The following C5 variants were observed in gnomAD, a reference collection of about 807,000 sequenced individuals.
The protein encoded by C5 is C3 and PZP-like alpha-2-macroglobulin domain-containing protein 4.
C5 carries 140 observed loss-of-function variants against 218.8 expected under a neutral mutation model. The observed-to-expected ratio is 0.64, with a 90% CI of 0.56 to 0.74. The LOEUF is 0.74. C5 is among the 30% of genes least tolerant of loss of function. The pLI is 0.00. For missense variants in C5, 1,700 were observed against 1,969.6 expected, an observed-to-expected ratio of 0.86 and a Z score of 2.59; for synonymous variants, 614 against 682.3, an observed-to-expected ratio of 0.90 and a Z score of 1.56.
chr9:121,021,835 A>G, intron 10 of C5, 141 bp from the exon 11 acceptor site: 1 of 776,116 alleles, frequency 1.3e-6, no homozygotes, highest in Non-Finnish European at 2.2e-6. Flanking sequence ...TCTGAGACAG[A>G]GACTTACTAC....
chr9:121,025,469 C>T lies in C5; in HGVS notation c.985G>A (p.Val329Ile). Reference sequence around the variant, plus strand: ...ACACACTTACCTGTAGACTCTATGACTGTTACAGCAATATAAAGGTACTTG... The same window carrying T: ...ACACACTTACCTGTAGACTCTATGATTGTTACAGCAATATAAAGGTACTTG... The part of the protein sequence containing the change: ...NNKYLYIAVT[V>I]IESTGGFSEE... Residue 329 changes from valine to isoleucine, a missense_variant, in exon 9 of 41, where the codon GTC (valine) becomes ATC (isoleucine). Coordinates refer to ENST00000223642, the MANE Select transcript of C5 (RefSeq NM_001735.3). 1 of 1,602,712 alleles carries T rather than the reference C, an allele frequency of 6.2e-7. No individual in the cohort carries two copies. Among genetic ancestry groups the T allele is most frequent in the Non-Finnish European group, 8.5e-7 (1 of 1,174,866 alleles).
rs773150282 is a variant in C5 at position 120,971,360 on chromosome 9, CATAT to C, written c.4080+566_4080+569del. ...TACACATATGCCATATGCGTATACA[CATAT>C]ATAATCATAAAATTATATATCTCTA... On this transcript the variant is annotated intron_variant, in intron 31 of 40. Coordinates refer to ENST00000223642, the MANE Select transcript of C5 (RefSeq NM_001735.3). Among the ~76,000 whole-genome samples the C allele has an allele frequency of 1.3e-4, 20 of 151,632 alleles. No homozygotes were observed. In the East Asian group the frequency reaches 1.4e-3, roughly 10 times the overall value.
At chr9:120,963,909 G>C (rs967009543) in intron 33 of C5, among the ~76,000 whole-genome samples, 171 bp from the exon 34 acceptor site, 2 of 152,280 alleles carry the variant, frequency 1.3e-5, no homozygotes, top group African/African-American at 4.8e-5. Flanking sequence ...AGATCTTTGA[G>C]TCATCTATTC....
chr9:121,016,914 A>G (rs2047312153), intron 14 of C5, among the ~76,000 whole-genome samples: 1 of 152,204 alleles, frequency 6.6e-6, no homozygotes, highest in South Asian at 2.1e-4. Flanking sequence ...TCAAGCCTCG[A>G]AAATAATAGC....
chr9:120,991,783 G>C (rs73662471), intron 22 of C5, among the ~76,000 whole-genome samples: 364 of 152,218 alleles, frequency 2.4e-3, no homozygotes, highest in African/African-American at 8.5e-3. Context: ...TTTTTCTACT[G>C]TGATCACTGG....
chr9:120,967,209 G>C (rs560740117), intron 33 of C5, among the ~76,000 whole-genome samples: 1 of 148,710 alleles, frequency 6.7e-6, no homozygotes, highest in South Asian at 2.1e-4. Flanking sequence ...GTAGTGAGCC[G>C]AGATCACGCC....
Position 121,046,213 on chromosome 9 carries a change from A to G in C5, c.236T>C (p.Phe79Ser). 2 of 1,594,886 alleles carry G rather than the reference A, an allele frequency of 1.3e-6. No homozygotes were observed. The highest frequency in any genetic ancestry group is 1.7e-6 in the Non-Finnish European group (2 of 1,164,688). Reference protein sequence around the residue: ...GHVHLSSENKFQNSAILTIQP... With the variant: ...GHVHLSSENKSQNSAILTIQP... ...TACTGTTAAGATTGCAGAGTTTTGGAATTTATTCTCTGAGGATAAATGAAC... is the reference window on the plus strand; with the variant it reads ...TACTGTTAAGATTGCAGAGTTTTGGGATTTATTCTCTGAGGATAAATGAAC... Residue 79 changes from phenylalanine (F) to serine (S), a missense_variant, in exon 2 of 41, where the codon TTC (phenylalanine) becomes TCC (serine). Phe to Ser is a radical substitution (Grantham distance 155). Transcript: ENST00000223642.
At chr9:120,960,440 T>C (rs960439681) in intron 37 of C5, 103 bp from the exon 38 acceptor site, 4 of 758,650 alleles carry the variant, frequency 5.3e-6, no homozygotes, top group South Asian at 4.3e-5. Context: ...CAACCCAATA[T>C]AACCTTACAA....
intron 33 of C5, among the ~76,000 whole-genome samples, chr9:120,967,771 G>GAGTGC (rs2046880028): frequency 6.6e-6 from 1 of 151,564 alleles, no homozygotes; most frequent in Admixed American, 6.6e-5. Context: ...GTCCAGGTTG[G>GAGTGC]AGTGCAGTGG....
intron 17 of C5, among the ~76,000 whole-genome samples, chr9:121,012,712 A>T (rs2047271888): frequency 6.6e-6 from 1 of 152,190 alleles, no homozygotes; most frequent in Non-Finnish European, 1.5e-5. Flanking sequence ...TGTAACCATC[A>T]TGGAGCGTAC....
Position 120,981,838 on chromosome 9 carries a change from A to G in C5, c.3486+6T>C, listed in dbSNP as rs1485549039. 2.5e-6 allele frequency: 4 copies of G among 1,597,066 alleles called. 1 individual carries two copies. In the South Asian group the frequency reaches 3.3e-5, roughly 13 times the overall value. ...TGGGTGTGAGAGAAAGAAAACTCTT[A>G]CTTACCACCAGGGGGCATATATCGA... On this transcript the variant is annotated splice_donor_region_variant and intron_variant, in intron 27 of 40. Transcript: ENST00000223642.
the C5 span, among the ~76,000 whole-genome samples, chr9:121,067,664 C>G: frequency 4.6e-5 from 7 of 151,846 alleles, no homozygotes. Flanking sequence ...AAACTGTAAT[C>G]CCCACGTGTC....
At chr9:121,037,308 T>G (rs2047535363) in intron 4 of C5, among the ~76,000 whole-genome samples, 2 of 151,502 alleles carry the variant, frequency 1.3e-5, no homozygotes, top group African/African-American at 2.4e-5. Context: ...TTTGGTTTTT[T>G]TTTTTTTTTT....
rs41311889 is a variant in C5, at chr9:120,989,438, G to T, written c.3154+130C>A. On this transcript the variant is annotated intron_variant, in intron 24 of 40. Transcript: ENST00000223642. ...AAATAATATTTATTTATATAGTAGA[G>T]TCCATCTCATGATTTTTTTGCTAAA... 4,086 of 677,518 alleles carry T rather than the reference G, an allele frequency of 6.0e-3. 126 individuals are homozygous for T. In the African/African-American group the frequency reaches 0.068, roughly 11 times the overall value. The allele number at this position is 677,518 out of a possible 1,614,324, so 42.0% of individuals were successfully genotyped here. A position where few individuals can be genotyped will look rare whatever the true frequency, so the allele number is the denominator to read the frequency against.
At chr9:120,976,569 T>C in intron 29 of C5, 131 bp downstream of exon 29, 1 of 799,974 alleles carries the variant, frequency 1.3e-6, no homozygotes, top group Non-Finnish European at 2.2e-6. Flanking sequence ...GTAGGGGTCC[T>C]TCAATTCTAG....
chr9:121,001,726 T>C (rs1469354586), intron 20 of C5, among the ~76,000 whole-genome samples: 1 of 152,136 alleles, frequency 6.6e-6, no homozygotes, highest in Non-Finnish European at 1.5e-5. Flanking sequence ...TATAAGAATG[T>C]GAGGGATCAA....
At chr9:121,056,183 T>C in the C5 span, among the ~76,000 whole-genome samples, 1 of 152,178 alleles carries the variant, frequency 6.6e-6, no homozygotes, top group African/African-American at 2.4e-5. Flanking sequence ...ACCTAAATCT[T>C]CAAGGCCCAG....
In C5 at chr9:121,023,509, A is replaced by G. The variant is rs1194870274; in HGVS notation, c.1011T>C (p.Ser337=). The G allele has an allele frequency of 6.2e-7, 1 of 1,606,804 alleles. No individual in the cohort carries two copies. Among genetic ancestry groups the G allele is most frequent in the Non-Finnish European group, 8.5e-7 (1 of 1,173,460 alleles). The change falls in exon 10 of 41, where the codon TCT becomes TCC. Residue 337 remains serine, a synonymous_variant. Transcript: ENST00000223642. ...VTVIESTGGF[S]EEAEIPGIKY... is the part of the protein sequence containing the mutation. Reference sequence around the variant, plus strand: ...TGATGCCAGGTATTTCTGCCTCTTCAGAAAATCCACCTAAGGAAATGGCAA... The same window carrying G: ...TGATGCCAGGTATTTCTGCCTCTTCGGAAAATCCACCTAAGGAAATGGCAA...
At chr9:120,981,301 T>C (rs572994123) in intron 27 of C5, among the ~76,000 whole-genome samples, 1 of 152,360 alleles carries the variant, frequency 6.6e-6, no homozygotes, top group Non-Finnish European at 1.5e-5. Flanking sequence ...CAAATCCACT[T>C]GAGATTTTCC....
Sources: gnomAD v4.1 joint callset for allele counts (sites outside exome capture counted in the v4.1 genomes callset) on GRCh38, gnomAD v4.1.1 for gene constraint, MANE v1.5 for transcripts, NCBI Gene and HGNC (gene_info 2026-07-23, HGNC 2026-07-21) for gene names.